The following ALPK2 variants were observed in gnomAD, a reference collection of about 807,000 sequenced individuals.
The protein encoded by ALPK2 is alpha kinase 2.
In ALPK2, 127 loss-of-function variants were observed where a neutral mutation model predicts 163.1. The observed-to-expected ratio is 0.78, with a 90% CI of 0.67 to 0.90. The LOEUF (loss-of-function observed/expected upper bound fraction) is 0.90. ALPK2 is among the 40% of genes least tolerant of loss of function. ALPK2 has a pLI of 0.00. For synonymous variants in ALPK2, 953 were observed against 959.1 expected, an observed-to-expected ratio of 0.99 and a Z score of 0.12; for missense variants, 2,360 against 2,589.6, an observed-to-expected ratio of 0.91 and a Z score of 1.92.
At chr18:58,595,305 T>C (rs1192152365) in intron 3 of ALPK2, among the ~76,000 whole-genome samples, 3 of 152,214 alleles carry the variant, frequency 2.0e-5, no homozygotes, top group Non-Finnish European at 4.4e-5. Context: ...CCCTTTCCCA[T>C]GAGATCAGGG....
In ALPK2 at chr18:58,622,224, G is replaced by A. The variant is rs139606164; in HGVS notation, c.-21+6540C>T. On this transcript the variant is annotated intron_variant, in intron 1 of 12. Transcript: ENST00000361673. ...TAGCCGGGTGTGGTGGCACACACCT[G>A]TAATCCCAGCCACTTGGGAGGCTGA... Among the ~76,000 whole-genome samples the A allele has an allele frequency of 4.5e-3, 679 of 152,188 alleles. 7 individuals are homozygous for A. Among genetic ancestry groups the A allele is most frequent in the East Asian group, 0.021 (108 of 5,180 alleles).
chr18:58,625,382 T>C (rs1307094856), intron 1 of ALPK2, among the ~76,000 whole-genome samples: 3 of 152,140 alleles, frequency 2.0e-5, no homozygotes, highest in African/African-American at 4.8e-5. Context: ...GAAAGTTTGG[T>C]GGTTGAAAAG....
Position 58,578,813 on chromosome 18 carries a change from C to G in ALPK2, c.1962+1G>C. The G allele has an allele frequency of 6.3e-7, 1 of 1,587,234 alleles. No homozygotes were observed. The highest frequency in any genetic ancestry group is 1.1e-5 in the South Asian group (1 of 90,296). On this transcript the variant is annotated splice_donor_variant, in intron 4 of 12. Coordinates refer to ENST00000361673, the MANE Select transcript of ALPK2 (RefSeq NM_052947.4). LOFTEE classifies it high-confidence loss of function. ...TAATTTCTTTAAAAGAAAAGTCTTA[C>G]CTGAGGAGGATCACTCCAGTCTGGA...
At chr18:58,493,772 C>T (rs919877135) in intron 12 of ALPK2, among the ~76,000 whole-genome samples, 3 of 152,196 alleles carry the variant, frequency 2.0e-5, no homozygotes, top group African/African-American at 7.2e-5. Flanking sequence ...TCGTTCCTTC[C>T]TCCGAGGGTA....
At chr18:58,586,050 G>A (rs1568093894) in intron 3 of ALPK2, among the ~76,000 whole-genome samples, 2 of 151,930 alleles carry the variant, frequency 1.3e-5, no homozygotes, top group African/African-American at 2.4e-5. Flanking sequence ...TTGGTCATTT[G>A]GAAAAACTTG....
intron 3 of ALPK2, among the ~76,000 whole-genome samples, chr18:58,598,684 A>C (rs1459263669): frequency 1.3e-5 from 2 of 152,168 alleles, no homozygotes; most frequent in African/African-American, 4.8e-5. Context: ...TCTGTCCATA[A>C]CTAGCCATCT....
chr18:58,600,509 G>A (rs1054639658), intron 3 of ALPK2: 3 of 152,214 alleles, frequency 2.0e-5, no homozygotes, highest in Non-Finnish European at 4.4e-5. Flanking sequence ...CACTTACAAA[G>A]AGCTCTCAAA....
intron 3 of ALPK2, among the ~76,000 whole-genome samples, chr18:58,603,223 A>G (rs558149668): frequency 6.6e-6 from 1 of 152,234 alleles, no homozygotes; most frequent in Non-Finnish European, 1.5e-5. Context: ...TAATAATCCA[A>G]CAACCTAATC....
chr18:58,553,866 T>C (rs2051773924), intron 4 of ALPK2, among the ~76,000 whole-genome samples: 1 of 129,544 alleles, frequency 7.7e-6, no homozygotes, highest in Non-Finnish European at 1.6e-5. Flanking sequence ...TTTTTTTTTT[T>C]TTTTTTTTTT....
intron 12 of ALPK2, among the ~76,000 whole-genome samples, chr18:58,494,827 C>G (rs552452495): frequency 6.6e-6 from 1 of 152,242 alleles, no homozygotes; most frequent in African/African-American, 2.4e-5. Flanking sequence ...TGCCTCCCAC[C>G]TGGACTTTCC....
chr18:58,509,895 C>A (rs1175397345), intron 10 of ALPK2, among the ~76,000 whole-genome samples: 1 of 151,916 alleles, frequency 6.6e-6, no homozygotes, highest in East Asian at 1.9e-4. Context: ...TTAATTAGAT[C>A]CCATTTGTCA....
At chr18:58,588,628 C>G (rs2051999193) in intron 3 of ALPK2, among the ~76,000 whole-genome samples, 2 of 152,154 alleles carry the variant, frequency 1.3e-5, no homozygotes, top group Admixed American at 1.3e-4. Context: ...TGTTCCCCTC[C>G]CTGTGTCCAT....
intron 1 of ALPK2, among the ~76,000 whole-genome samples, chr18:58,615,317 G>A (rs986676286): frequency 9.2e-5 from 14 of 151,564 alleles, no homozygotes; most frequent in African/African-American, 1.7e-4. Context: ...GGACAGTGGC[G>A]GGCAGGGCAG....
intron 4 of ALPK2, among the ~76,000 whole-genome samples, chr18:58,546,636 G>A (rs1428754246): frequency 6.6e-6 from 1 of 152,106 alleles, no homozygotes; most frequent in African/African-American, 2.4e-5. Flanking sequence ...GAGGATTTTG[G>A]GTTGTACATT....
chr18:58,538,889 A>C (rs2051673697), intron 4 of ALPK2, among the ~76,000 whole-genome samples: 1 of 151,754 alleles, frequency 6.6e-6, no homozygotes, highest in Non-Finnish European at 1.5e-5. Context: ...GTCTGGCACC[A>C]TCCCCACCCC....
At chr18:58,498,004 T>C (rs1318453310) in intron 12 of ALPK2, 45 bp downstream of exon 12, 1 of 1,592,142 alleles carries the variant, frequency 6.3e-7, no homozygotes. Context: ...AAGGTGTCTG[T>C]AAGCCCAGTG....
intron 6 of ALPK2, among the ~76,000 whole-genome samples, chr18:58,528,094 A>T (rs1369534525): frequency 6.6e-6 from 1 of 152,190 alleles, no homozygotes; most frequent in Non-Finnish European, 1.5e-5. Flanking sequence ...ATGAAGCTTG[A>T]ATTCATCAGT....
chr18:58,603,223 A>T (rs558149668), intron 3 of ALPK2, among the ~76,000 whole-genome samples: 2 of 152,352 alleles, frequency 1.3e-5, no homozygotes, highest in East Asian at 3.9e-4. Context: ...TAATAATCCA[A>T]CAACCTAATC....
chr18:58,550,408 TCCCATTTCCATCATATATGACTCTAC>T (rs2051746607), intron 4 of ALPK2, among the ~76,000 whole-genome samples: 1 of 4,450 alleles, frequency 2.2e-4, no homozygotes. Context: ...TACAACCCCA[TCCCATTTCCATCATATATGACTCTAC>T]CCCCATCTAT....
Sources: allele counts gnomAD v4.1 joint callset (sites outside exome capture counted in the v4.1 genomes callset), GRCh38; gene constraint gnomAD v4.1.1; transcripts MANE v1.5; gene names NCBI Gene and HGNC (gene_info 2026-07-23, HGNC 2026-07-21).